Variants in FLT1 observed in about 807,000 individuals in gnomAD.
FLT1 encodes fms related receptor tyrosine kinase 1, also known as vascular endothelial growth factor receptor 1.
A neutral mutation model predicts 156.3 loss-of-function variants in FLT1; 49 were observed. The observed-to-expected ratio is 0.31, with a 90% confidence interval of 0.25 to 0.40. The LOEUF is 0.40. FLT1 is among the 10% of genes least tolerant of loss of function. The pLI, the probability that FLT1 is intolerant of heterozygous loss-of-function variation, is 1.00. For synonymous variants in FLT1, 594 were observed against 583.8 expected, an observed-to-expected ratio of 1.02 and a Z score of -0.25; for missense variants, 1,322 against 1,637.2, an observed-to-expected ratio of 0.81 and a Z score of 3.32.
At position 28,318,490 on chromosome 13, in the gene FLT1, C is replaced by T. The variant is rs71433264; in HGVS notation, c.3287-893G>A. 5.7e-3 allele frequency among the ~76,000 whole-genome samples: 861 copies of T among 152,306 alleles called. 6 individuals carry two copies. Among genetic ancestry groups the T allele is most frequent in the Non-Finnish European group, 0.01 (694 of 68,024 alleles). On this transcript the variant is annotated intron_variant, in intron 24 of 29. Coordinates refer to ENST00000282397, the MANE Select transcript of FLT1 (RefSeq NM_002019.4). ...ATGCACTCTTGCTCTAGCCCTGCAG[C>T]CTCATCTACCTCAGCATTTGTTTGT...
intron 1 of FLT1, among the ~76,000 whole-genome samples, chr13:28,473,008 C>CTTT (rs1880261008): frequency 6.6e-6 from 1 of 152,130 alleles, no homozygotes; most frequent in Non-Finnish European, 1.5e-5. Context: ...AGATAAAGGA[C>CTTT]ATCATTATTC....
chr13:28,312,149 T>G, intron 25 of FLT1, 51 bp from the exon 26 acceptor site: 1 of 1,126,688 alleles, frequency 8.9e-7, no homozygotes, highest in Non-Finnish European at 1.4e-6. Context: ...GATCATCCTA[T>G]GCATTGCCTT....
chr13:28,393,238 A>G (rs933821432), intron 12 of FLT1, among the ~76,000 whole-genome samples: 3 of 152,194 alleles, frequency 2.0e-5, no homozygotes, highest in African/African-American at 4.8e-5. Flanking sequence ...GGGTTAGACG[A>G]AAGTGTCATC....
intron 10 of FLT1, among the ~76,000 whole-genome samples, chr13:28,415,428 C>A (rs1043628318): frequency 3.9e-5 from 6 of 152,074 alleles, no homozygotes; most frequent in Non-Finnish European, 8.8e-5. Flanking sequence ...TTGCAGTGAG[C>A]CAAGATCGCG....
At chr13:28,353,436 G>A (rs771822552) in intron 15 of FLT1, among the ~76,000 whole-genome samples, 6 of 152,006 alleles carry the variant, frequency 3.9e-5, no homozygotes, top group African/African-American at 4.8e-5. Flanking sequence ...AGCCAGGCGT[G>A]GTGGCACACG....
intron 10 of FLT1, among the ~76,000 whole-genome samples, chr13:28,413,187 G>A (rs1223627018): frequency 6.6e-6 from 1 of 152,126 alleles, no homozygotes; most frequent in African/African-American, 2.4e-5. Flanking sequence ...CCAGCGTCCT[G>A]GGCCACCTCT....
chr13:28,357,777 A>C (rs1872953453), intron 14 of FLT1, 92 bp from the exon 15 acceptor site: 3 of 1,213,424 alleles, frequency 2.5e-6, no homozygotes, highest in Non-Finnish European at 3.7e-6. Flanking sequence ...ATCATTATGC[A>C]TTCAGACAAG....
intron 24 of FLT1, among the ~76,000 whole-genome samples, chr13:28,318,120 C>G (rs12584067): frequency 0.049 from 7,501 of 152,188 alleles, 395 homozygotes; most frequent in African/African-American, 0.12. Context: ...CATCACCACA[C>G]TTGGCTTGGG....
At chr13:28,345,660 G>C in intron 15 of FLT1, 109 bp from the exon 16 acceptor site, 1 of 738,650 alleles carries the variant, frequency 1.4e-6, no homozygotes, top group South Asian at 1.5e-5. Context: ...TTATCATAGC[G>C]AACCCAATCT....
At chr13:28,303,480 C>T in intron 29 of FLT1, 112 bp from the exon 30 acceptor site, 2 of 809,752 alleles carry the variant, frequency 2.5e-6, no homozygotes, top group Admixed American at 2.4e-5. Context: ...GTCTAGAGTT[C>T]ATGGTTTTGG....
chr13:28,368,063 TAA>T (rs1472103694), intron 14 of FLT1: 1 of 640,946 alleles, frequency 1.6e-6, no homozygotes, highest in Non-Finnish European at 1.9e-6. Context: ...CTCTAGAATA[TAA>T]TAAAGGATCA....
intron 14 of FLT1, among the ~76,000 whole-genome samples, chr13:28,367,188 T>C (rs1030139816): frequency 1.3e-5 from 2 of 152,206 alleles, no homozygotes; most frequent in Admixed American, 1.3e-4. Context: ...GTTAATTTTG[T>C]CATCTTAAGG....
intron 3 of FLT1, among the ~76,000 whole-genome samples, chr13:28,458,512 G>A (rs1879394428): frequency 3.9e-5 from 6 of 152,186 alleles, no homozygotes; most frequent in Admixed American, 2.6e-4. Flanking sequence ...CACACCAAGT[G>A]CTAAGGATGA....
intron 14 of FLT1, among the ~76,000 whole-genome samples, chr13:28,372,245 C>T (rs1302265883): frequency 6.7e-6 from 1 of 149,596 alleles, no homozygotes; most frequent in Non-Finnish European, 1.5e-5. Flanking sequence ...CCATGCCTGG[C>T]TAATTTTTGT....
intron 1 of FLT1, among the ~76,000 whole-genome samples, chr13:28,474,511 C>T (rs962055039): frequency 6.6e-6 from 1 of 151,910 alleles, no homozygotes; most frequent in African/African-American, 2.4e-5. Context: ...CACACACACA[C>T]ACACACACAC....
chr13:28,337,249 A>T (rs985099353), intron 17 of FLT1, among the ~76,000 whole-genome samples: 14 of 152,000 alleles, frequency 9.2e-5, no homozygotes, highest in Middle Eastern at 3.2e-3. Context: ...TCTATCAGGT[A>T]CTATAAATTC....
chr13:28,323,172 G>C (rs1378847945), intron 20 of FLT1, among the ~76,000 whole-genome samples: 1 of 148,168 alleles, frequency 6.7e-6, no homozygotes, highest in African/African-American at 2.6e-5. Flanking sequence ...TCTTAGATCA[G>C]ATAAAAAAAA....
At position 28,386,677 on chromosome 13, in the gene FLT1, C is replaced by G; in HGVS notation, c.1970-1646G>C. On this transcript the variant is annotated intron_variant, in intron 13 of 29. Coordinates refer to ENST00000282397, the MANE Select transcript of FLT1 (RefSeq NM_002019.4). Reference sequence around the variant, plus strand: ...TTGAAAATGCAGTCCTGTTTAAAACCTTTGATTTACGACTACTTGTACATG... The same window carrying G: ...TTGAAAATGCAGTCCTGTTTAAAACGTTTGATTTACGACTACTTGTACATG... The G allele has an allele frequency of 6.6e-6, 7 of 1,056,626 alleles. No homozygotes were observed. In the South Asian group the frequency reaches 1.8e-4, roughly 28 times the overall value. 65.5% of individuals were successfully genotyped at this position (1,056,626 alleles called of 1,614,324 possible). A position where few individuals can be genotyped will look rare whatever the true frequency, so the allele number is the denominator to read the frequency against.
chr13:28,403,812 G>A (rs1875610727), intron 11 of FLT1, among the ~76,000 whole-genome samples: 1 of 152,168 alleles, frequency 6.6e-6, no homozygotes, highest in South Asian at 2.1e-4. Flanking sequence ...GGGAAGCCAA[G>A]GCAGGCGGAT....
Sources: allele counts gnomAD v4.1 joint callset (sites outside exome capture counted in the v4.1 genomes callset), GRCh38; gene constraint gnomAD v4.1.1; transcripts MANE v1.5; gene names NCBI Gene and HGNC (gene_info 2026-07-23, HGNC 2026-07-21).